The following ABAT variants were observed in gnomAD, a reference collection of about 807,000 sequenced individuals.
The protein encoded by ABAT is 4-aminobutyrate aminotransferase, also known as 4-aminobutyrate aminotransferase, mitochondrial.
In ABAT, 45 loss-of-function variants were observed where a neutral mutation model predicts 64.6. The ratio of observed to expected loss-of-function variants is 0.70; its 90% CI spans 0.55 to 0.89. The LOEUF is 0.89. ABAT is among the 40% of genes least tolerant of loss of function. The pLI is 0.00. For missense variants in ABAT, 633 were observed against 658.4 expected, an observed-to-expected ratio of 0.96 and a Z score of 0.42; for synonymous variants, 297 against 250.5, an observed-to-expected ratio of 1.19 and a Z score of -1.75.
intron 1 of ABAT, among the ~76,000 whole-genome samples, chr16:8,727,345 A>G (rs547396889): frequency 6.6e-6 from 1 of 151,976 alleles, no homozygotes; most frequent in African/African-American, 2.4e-5. Context: ...TTCTTACCAC[A>G]CCCACTCTCA....
At chr16:8,770,127 T>G (rs1294452247) in intron 11 of ABAT, among the ~76,000 whole-genome samples, 1 of 152,104 alleles carries the variant, frequency 6.6e-6, no homozygotes, top group Non-Finnish European at 1.5e-5. Context: ...AGGAGTCACA[T>G]TTGCTTTGTT....
At chr16:8,738,616 G>GTTTTTTTTTTTTTTTTTTTTTTTTT (rs772511380) in intron 2 of ABAT, among the ~76,000 whole-genome samples, 1 of 117,572 alleles carries the variant, frequency 8.5e-6, no homozygotes, top group African/African-American at 3.8e-5. Context: ...TTTTGTTTTT[G>GTTTTTTTTTTTTTTTTTTTTTTTTT]TTTTTGTTTT....
At chr16:8,677,067 G>C (rs572802929) in intron 1 of ABAT, among the ~76,000 whole-genome samples, 1 of 152,190 alleles carries the variant, frequency 6.6e-6, no homozygotes, top group Non-Finnish European at 1.5e-5. Flanking sequence ...TAGAGAGGCC[G>C]AGAGGTTGGT....
intron 2 of ABAT, among the ~76,000 whole-genome samples, chr16:8,742,090 C>T (rs1193168464): frequency 5.3e-5 from 8 of 152,208 alleles, no homozygotes; most frequent in Non-Finnish European, 1.0e-4. Flanking sequence ...GACCCATCTG[C>T]CTTGGACCTG....
At chr16:8,729,008 T>C (rs1224014898) in intron 1 of ABAT, among the ~76,000 whole-genome samples, 3 of 152,040 alleles carry the variant, frequency 2.0e-5, no homozygotes, top group African/African-American at 7.2e-5. Flanking sequence ...TGAAGCCTCA[T>C]ATCAACAATA....
chr16:8,717,005 G>A (rs144020679), intron 1 of ABAT, among the ~76,000 whole-genome samples: 30 of 152,270 alleles, frequency 2.0e-4, no homozygotes, highest in African/African-American at 7.2e-4. Context: ...TAACTATATT[G>A]ATGGCCGGGC....
chr16:8,711,394 C>T (rs141977978), intron 1 of ABAT, among the ~76,000 whole-genome samples: 42 of 152,216 alleles, frequency 2.8e-4, no homozygotes, highest in African/African-American at 9.4e-4. Flanking sequence ...CCAGAGCTAC[C>T]GTGGAAGTCA....
chr16:8,674,771 T>C (rs1289521688), intron 1 of ABAT, 60 bp downstream of exon 1: 1 of 151,904 alleles, frequency 6.6e-6, no homozygotes, highest in East Asian at 1.9e-4. Context: ...CGAGAGGAGG[T>C]CCTTCTGCCC....
intron 12 of ABAT, among the ~76,000 whole-genome samples, chr16:8,773,214 C>T (rs966054059): frequency 6.6e-6 from 1 of 151,310 alleles, no homozygotes; most frequent in Non-Finnish European, 1.5e-5. Flanking sequence ...TGCAGTGGTG[C>T]AATCTCAGCT....
chr16:8,706,865 T>C (rs1342961913), intron 1 of ABAT, among the ~76,000 whole-genome samples: 1 of 152,226 alleles, frequency 6.6e-6, no homozygotes, highest in Non-Finnish European at 1.5e-5. Context: ...ATGGAGTGTT[T>C]GCGACCTGAG....
At chr16:8,684,213 A>G (rs889713460) in intron 1 of ABAT, among the ~76,000 whole-genome samples, 1 of 152,218 alleles carries the variant, frequency 6.6e-6, no homozygotes, top group South Asian at 2.1e-4. Flanking sequence ...GACTCTGTGC[A>G]GGGAGAGCAT....
At chr16:8,724,846 TTACTC>T (rs1408183388) in intron 1 of ABAT, among the ~76,000 whole-genome samples, 1 of 150,602 alleles carries the variant, frequency 6.6e-6, no homozygotes, top group Non-Finnish European at 1.5e-5. Flanking sequence ...GAGTGTGTCA[TTACTC>T]TACACACACT....
In ABAT at chr16:8,781,020, C is replaced by A. The variant is rs1415276614; in HGVS notation, c.1382-289C>A. 6.6e-6 allele frequency among the ~76,000 whole-genome samples: 1 copy of A among 151,468 alleles called. No individual in the cohort carries two copies. The highest frequency in any genetic ancestry group is 1.5e-5 in the Non-Finnish European group (1 of 67,974). The stretch of plus-strand genomic sequence containing the variant: ...TATCACCAGACCTAGCTTGGGGCAG[C>A]AAAGCAGGCACTCAAAGGAGAGAGG... On this transcript the variant is annotated intron_variant, in intron 15 of 15. Transcript: ENST00000268251. The surrounding 1 kb of genome is among the most constrained non-coding windows in gnomAD (Gnocchi z 4.5).
intron 1 of ABAT, among the ~76,000 whole-genome samples, chr16:8,711,769 T>TG (rs1353453253): frequency 7.6e-6 from 1 of 132,208 alleles, no homozygotes. Context: ...GGAAGATGGA[T>TG]GGATGGATGG....
chr16:8,690,761 T>C (rs1459507429), intron 1 of ABAT, among the ~76,000 whole-genome samples: 1 of 152,236 alleles, frequency 6.6e-6, no homozygotes, highest in Non-Finnish European at 1.5e-5. Flanking sequence ...TGGGTTTCTA[T>C]AGAATTGTGG....
chr16:8,718,424 A>C (rs1323072876), intron 1 of ABAT, among the ~76,000 whole-genome samples: 1 of 152,270 alleles, frequency 6.6e-6, no homozygotes, highest in Non-Finnish European at 1.5e-5. Flanking sequence ...AATGAAAAAA[A>C]GTTTGAGAAA....
In ABAT at chr16:8,750,517, C is replaced by G; in HGVS notation, c.294C>G (p.Ser98=). The G allele has an allele frequency of 6.2e-7, 1 of 1,614,016 alleles. No individual in the cohort carries two copies. The highest frequency in any genetic ancestry group is 1.1e-5 in the South Asian group (1 of 91,074). Reference sequence around the variant, plus strand: ...GCAACCGAATGCTGGATCTTTATTCCCAGATCTCCTCTGTCCCCATAGGTA... The same window carrying G: ...GCAACCGAATGCTGGATCTTTATTCGCAGATCTCCTCTGTCCCCATAGGTA... The part of the protein sequence containing the change: ...VDGNRMLDLY[S]QISSVPIGYS... The change falls in exon 5 of 16, where the codon TCC becomes TCG. Residue 98 remains serine (S), a synonymous_variant. Coordinates refer to ENST00000268251, the MANE Select transcript of ABAT (RefSeq NM_020686.6).
At chr16:8,678,043 G>A (rs2057245432) in intron 1 of ABAT, among the ~76,000 whole-genome samples, 1 of 152,102 alleles carries the variant, frequency 6.6e-6, no homozygotes, top group Admixed American at 6.5e-5. Context: ...CTGGGTGACA[G>A]AGTGAGACAC....
chr16:8,761,319 C>G (rs2059791599), intron 6 of ABAT, among the ~76,000 whole-genome samples: 1 of 152,074 alleles, frequency 6.6e-6, no homozygotes, highest in African/African-American at 2.4e-5. Context: ...CTTCTCACCC[C>G]CTCCAAACCG....
Sources: allele counts gnomAD v4.1 joint callset (sites outside exome capture counted in the v4.1 genomes callset), GRCh38; gene constraint gnomAD v4.1.1; non-coding constraint Gnocchi (gnomAD v3.1); transcripts MANE v1.5; gene names NCBI Gene and HGNC (gene_info 2026-07-23, HGNC 2026-07-21).